The following TTLL9 variants were observed in gnomAD, a reference collection of about 807,000 sequenced individuals.
TTLL9 encodes tubulin tyrosine ligase like 9, also known as probable tubulin polyglutamylase TTLL9.
TTLL9 carries 47 observed loss-of-function variants against 65.6 expected under a neutral mutation model. The observed-to-expected ratio is 0.72, with a 90% CI of 0.57 to 0.91. TTLL9 has a LOEUF of 0.91. Ranked by LOEUF, TTLL9 falls within the 40% of genes least tolerant of loss-of-function variation. TTLL9 has a pLI of 0.00. For synonymous variants in TTLL9, 179 were observed against 204.8 expected (o/e 0.87, Z 1.07); for missense variants, 537 against 568.8 (o/e 0.94, Z 0.57).
chr20:31,919,235 A>G (rs2063779571), intron 6 of TTLL9, among the ~76,000 whole-genome samples: 1 of 152,174 alleles, frequency 6.6e-6, no homozygotes, highest in Non-Finnish European at 1.5e-5. Flanking sequence ...TACAGTATGC[A>G]CTTCATATAT....
At chr20:31,921,300 G>A (rs894293036) in intron 7 of TTLL9, among the ~76,000 whole-genome samples, 8 of 152,166 alleles carry the variant, frequency 5.3e-5, no homozygotes, top group Non-Finnish European at 8.8e-5. Flanking sequence ...TTAGAATGGC[G>A]ATCATTAAAA....
At position 31,919,893 on chromosome 20, in the gene TTLL9, C is replaced by A. The variant is rs1334223892; in HGVS notation, c.534C>A (p.Phe178Leu). The A allele has an allele frequency of 8.8e-6, 14 of 1,592,976 alleles. No individual in the cohort carries two copies. The highest frequency in any genetic ancestry group is 1.1e-5 in the Non-Finnish European group (13 of 1,170,344). Residue 178 changes from phenylalanine to leucine, a missense_variant, in exon 7 of 15, where the codon TTC (phenylalanine) becomes TTA (leucine). Physicochemically the swap from Phe to Leu is conservative, Grantham distance 22. Coordinates refer to ENST00000535842, the MANE Select transcript of TTLL9 (RefSeq NM_001008409.5). ...PVARSQGKGI[F>L]LFRRLKDIVD... ...CCCGGTCTCAAGGGAAAGGCATCTT[C>A]CTCTTCCGTAGGCTGAAGGACATCG...
intron 7 of TTLL9, among the ~76,000 whole-genome samples, chr20:31,922,599 C>T (rs530377467): frequency 2.6e-5 from 4 of 152,230 alleles, no homozygotes; most frequent in South Asian, 4.1e-4. Flanking sequence ...CTTCGAATTT[C>T]ATCCATGTTG....
At chr20:31,935,021 A>G (rs2064087030) in intron 12 of TTLL9, 133 bp downstream of exon 12, 3 of 826,084 alleles carry the variant, frequency 3.6e-6, no homozygotes, top group East Asian at 2.6e-5. Context: ...CTGTGCCTCA[A>G]TTTGCCCATT....
intron 3 of TTLL9, among the ~76,000 whole-genome samples, chr20:31,897,023 G>C (rs894690537): frequency 1.3e-5 from 2 of 152,142 alleles, no homozygotes; most frequent in Non-Finnish European, 2.9e-5. Flanking sequence ...TTTGATATCA[G>C]GTTAATACTA....
intron 2 of TTLL9, chr20:31,879,890 G>T (rs750905662): frequency 1.8e-4 from 281 of 1,550,264 alleles, no homozygotes; most frequent in Non-Finnish European, 2.4e-4. Context: ...GTTATGTCGC[G>T]ACCGAAGGTA....
Position 31,919,891 on chromosome 20 carries a change from T to G in TTLL9, c.532T>G (p.Phe178Val). ...PVARSQGKGI[F>V]LFRRLKDIVD... ...AGCCCGGTCTCAAGGGAAAGGCATC[T>G]TCCTCTTCCGTAGGCTGAAGGACAT... Residue 178 changes from phenylalanine to valine, a missense_variant, in exon 7 of 15, where the codon TTC (phenylalanine) becomes GTC (valine). Phe to Val is a conservative substitution (Grantham distance 50, BLOSUM62 -1). Around this residue, in one of 3 missense-constraint regions of TTLL9, gnomAD observed 320 missense variants for 311.0 expected, o/e 1.03. Coordinates refer to ENST00000535842, the MANE Select transcript of TTLL9 (RefSeq NM_001008409.5). The G allele has an allele frequency of 3.8e-6, 6 of 1,592,988 alleles. No homozygotes were observed. The highest frequency in any genetic ancestry group is 4.3e-6 in the Non-Finnish European group (5 of 1,170,308).
At chr20:31,907,196 G>C (rs1324347851) in intron 4 of TTLL9, among the ~76,000 whole-genome samples, 2 of 152,174 alleles carry the variant, frequency 1.3e-5, no homozygotes, top group Non-Finnish European at 2.9e-5. Context: ...GCATGAACTA[G>C]GTGAGTTTCT....
chr20:31,904,283 T>C (rs983329308), intron 4 of TTLL9, among the ~76,000 whole-genome samples: 1 of 152,028 alleles, frequency 6.6e-6, no homozygotes, highest in Non-Finnish European at 1.5e-5. Flanking sequence ...GCAGATAATC[T>C]GAGACTATGC....
At chr20:31,892,294 C>G (rs950572377) in intron 3 of TTLL9, among the ~76,000 whole-genome samples, 2 of 151,884 alleles carry the variant, frequency 1.3e-5, no homozygotes, top group African/African-American at 4.8e-5. Flanking sequence ...ATTCTCGTGC[C>G]TCAGCCTCCC....
At chr20:31,925,659 C>T (rs1269504184) in intron 9 of TTLL9, among the ~76,000 whole-genome samples, 1 of 152,114 alleles carries the variant, frequency 6.6e-6, no homozygotes, top group East Asian at 1.9e-4. Flanking sequence ...ACTTCACCTT[C>T]ATTTTATTTC....
intron 14 of TTLL9, among the ~76,000 whole-genome samples, chr20:31,941,414 A>G (rs1429910852): frequency 6.6e-6 from 1 of 152,024 alleles, no homozygotes; most frequent in Non-Finnish European, 1.5e-5. Flanking sequence ...GCGGTTCTCT[A>G]TCTTGGCTGC....
chr20:31,925,069 G>C lies in TTLL9; in HGVS notation c.705+20G>C, dbSNP rs1244556496. 2 of 1,613,660 alleles carry C rather than the reference G, an allele frequency of 1.2e-6. No homozygotes were observed. Among genetic ancestry groups the C allele is most frequent in the Admixed American group, 1.7e-5 (1 of 59,986 alleles). On this transcript the variant is annotated intron_variant, in intron 9 of 14. Transcript: ENST00000535842. ...ATGTCGGTGAGTAACAAAGGTGGGGGCCCTCCTCCAGCAGGGGTTAAAGGG... is the reference window on the plus strand; with the variant it reads ...ATGTCGGTGAGTAACAAAGGTGGGGCCCCTCCTCCAGCAGGGGTTAAAGGG...
intron 2 of TTLL9, chr20:31,879,915 C>T: frequency 6.5e-7 from 1 of 1,530,554 alleles, no homozygotes; most frequent in Non-Finnish European, 8.8e-7. Context: ...TCGACCTGAC[C>T]CAGATGCTTT....
chr20:31,889,972 C>CTCTTTCTTTCTTTCTTTCTT (rs758616240), intron 3 of TTLL9, among the ~76,000 whole-genome samples: 32 of 113,966 alleles, frequency 2.8e-4, no homozygotes, highest in Middle Eastern at 4.3e-3. Context: ...CCACATCTCT[C>CTCTTTCTTTCTTTCTTTCTT]TCTTTCTTTC....
At chr20:31,926,724 A>G (rs2063911923) in intron 10 of TTLL9, among the ~76,000 whole-genome samples, 1 of 152,232 alleles carries the variant, frequency 6.6e-6, no homozygotes, top group Non-Finnish European at 1.5e-5. Flanking sequence ...ATGTACTGAT[A>G]TGAAACAATT....
chr20:31,934,664 T>A (rs769861991), intron 11 of TTLL9, 28 bp from the exon 12 acceptor site: 1 of 1,587,706 alleles, frequency 6.3e-7, no homozygotes, highest in Non-Finnish European at 8.6e-7. Context: ...CTGAGGCTCC[T>A]CTCTCGACCC....
At chr20:31,932,851 G>T (rs2064042989) in intron 10 of TTLL9, among the ~76,000 whole-genome samples, 1 of 152,046 alleles carries the variant, frequency 6.6e-6, no homozygotes, top group Non-Finnish European at 1.5e-5. Context: ...ACAAAAATCA[G>T]CTGGCTTGGT....
At chr20:31,915,435 T>A (rs916796537) in intron 6 of TTLL9, among the ~76,000 whole-genome samples, 1 of 152,228 alleles carries the variant, frequency 6.6e-6, no homozygotes, top group Admixed American at 6.5e-5. Flanking sequence ...TAAGCCGAGA[T>A]CCTGCCACTG....
Sources: gnomAD v4.1 joint callset for allele counts (sites outside exome capture counted in the v4.1 genomes callset) on GRCh38, gnomAD v4.1.1 for gene constraint, gnomAD v4.1.1 regional missense constraint, MANE v1.5 for transcripts, NCBI Gene and HGNC (gene_info 2026-07-23, HGNC 2026-07-21) for gene names.